The following DAPK1 variants were observed in gnomAD, a reference collection of about 807,000 sequenced individuals.
DAPK1 encodes the protein death-associated protein kinase 1.
A neutral mutation model predicts 144.9 loss-of-function variants in DAPK1; 56 were observed. That is an observed-to-expected ratio of 0.39 (90% CI 0.31 to 0.48). The LOEUF (loss-of-function observed/expected upper bound fraction) is 0.48, where lower values mean the gene tolerates loss of function less well. Among genes scored for constraint, DAPK1 ranks in the 20% least tolerant of loss-of-function variants. DAPK1 has a pLI of 0.95. For missense variants in DAPK1, 1,454 were observed against 1,875.4 expected (o/e 0.78, Z 4.15); for synonymous variants, 690 against 749.0 (o/e 0.92, Z 1.29).
intron 21 of DAPK1, among the ~76,000 whole-genome samples, chr9:87,692,142 G>A (rs1927971): frequency 0.27 from 41,723 of 151,848 alleles, 7,530 homozygotes; most frequent in East Asian, 0.58. Flanking sequence ...AATAATATTT[G>A]CTGTAAATAT....
At position 87,564,762 on chromosome 9, in the gene DAPK1, C is replaced by T. The variant is rs551710424; in HGVS notation, c.63-40192C>T. ...CATTAATTCATTCATGAGGCAGAGC[C>T]GTCATGATCTAATCACCTCTTAACG... is the stretch of plus-strand genomic sequence containing the variant. On this transcript the variant is annotated intron_variant, in intron 2 of 25. Transcript: ENST00000408954. 2.1e-4 allele frequency among the ~76,000 whole-genome samples: 32 copies of T among 152,258 alleles called. 1 individual carries two copies. In the South Asian group the frequency reaches 6.6e-3, roughly 32 times the overall value.
chr9:87,662,559 A>ATTTTTTTTTTTTTTTTTTTTT (rs1830886898), intron 18 of DAPK1, among the ~76,000 whole-genome samples: 2 of 25,570 alleles, frequency 7.8e-5, no homozygotes, highest in South Asian at 2.6e-3. Context: ...ATATATTCCT[A>ATTTTTTTTTTTTTTTTTTTTT]GTTTTTTTTT....
intron 19 of DAPK1, among the ~76,000 whole-genome samples, chr9:87,671,717 A>G (rs1824165034): frequency 6.6e-6 from 1 of 152,180 alleles, no homozygotes; most frequent in Non-Finnish European, 1.5e-5. Flanking sequence ...GTCTCAATAC[A>G]TTGCCCAGGC....
At position 87,547,578 on chromosome 9, in the gene DAPK1, A is replaced by AGT. The variant is rs61564712; in HGVS notation, c.62+48465_62+48466dup. Among the ~76,000 whole-genome samples, 314 of 58,802 alleles carry AGT rather than the reference A, an allele frequency of 5.3e-3. No individual in the cohort carries two copies. The Middle Eastern group carries it at 0.054, about 10-fold the overall frequency. 38.6% of individuals were successfully genotyped at this position (58,802 alleles called of 152,430 possible). ...CATAAGTGTGTGTGGAGAGAGAGAG[A>AGT]GTGTGTGTGTGTGTGTGTGTGTGTG... On this transcript the variant is annotated intron_variant, in intron 2 of 25. Transcript: ENST00000408954.
At chr9:87,635,715 AC>A (rs1406385248) in intron 3 of DAPK1, among the ~76,000 whole-genome samples, 1 of 152,124 alleles carries the variant, frequency 6.6e-6, no homozygotes, top group African/African-American at 2.4e-5. Context: ...CATCCTCATA[AC>A]CTTCAAGGGA....
At chr9:87,583,524 A>G (rs1031027491) in intron 2 of DAPK1, among the ~76,000 whole-genome samples, 1 of 152,242 alleles carries the variant, frequency 6.6e-6, no homozygotes, top group Non-Finnish European at 1.5e-5. Flanking sequence ...GTGGAGAAGA[A>G]ATGAATTGAC....
chr9:87,588,967 C>T (rs1359976445), intron 2 of DAPK1, among the ~76,000 whole-genome samples: 16 of 151,540 alleles, frequency 1.1e-4, no homozygotes, highest in Admixed American at 6.6e-4. Flanking sequence ...CAGCTCACTG[C>T]GACCTCCACT....
chr9:87,684,821 G>A (rs1258827042), intron 20 of DAPK1, among the ~76,000 whole-genome samples: 1 of 152,212 alleles, frequency 6.6e-6, no homozygotes, highest in African/African-American at 2.4e-5. Context: ...GGATTTCGGT[G>A]CTTCCCCATG....
At chr9:87,704,192 G>T (rs1224598714) in intron 25 of DAPK1, among the ~76,000 whole-genome samples, 1 of 152,186 alleles carries the variant, frequency 6.6e-6, no homozygotes, top group East Asian at 1.9e-4. Context: ...ACTTTAAAGT[G>T]ATTGAATCCA....
At chr9:87,663,991 G>A (rs982757779) in intron 18 of DAPK1, among the ~76,000 whole-genome samples, 16 of 152,028 alleles carry the variant, frequency 1.1e-4, no homozygotes, top group African/African-American at 2.7e-4. Flanking sequence ...GGTTAAGGGC[G>A]TCACCCTTAA....
intron 2 of DAPK1, among the ~76,000 whole-genome samples, chr9:87,502,144 G>A (rs987776799): frequency 6.6e-6 from 1 of 152,080 alleles, no homozygotes; most frequent in African/African-American, 2.4e-5. Flanking sequence ...GCTTTGGGAG[G>A]GGATGCCTTA....
chr9:87,619,064 C>G (rs953548316), intron 3 of DAPK1, among the ~76,000 whole-genome samples: 2 of 152,142 alleles, frequency 1.3e-5, no homozygotes, highest in Non-Finnish European at 2.9e-5. Flanking sequence ...TGCCTCTGCC[C>G]TGATGCTCCA....
At position 87,516,893 on chromosome 9, in the gene DAPK1, G is replaced by A. The variant is rs552694392; in HGVS notation, c.62+17754G>A. ...GGGAACTGGGCCCTTCTGATGGTCC[G>A]GATGTAGGTTATGGGATGGTCAGGT... is the stretch of plus-strand genomic sequence containing the variant. On this transcript the variant is annotated intron_variant, in intron 2 of 25. Coordinates refer to ENST00000408954, the MANE Select transcript of DAPK1 (RefSeq NM_004938.4). Among the ~76,000 whole-genome samples the A allele has an allele frequency of 3.3e-5, 5 of 152,272 alleles. No individual in the cohort carries two copies. The South Asian group carries it at 6.2e-4, about 19-fold the overall frequency.
chr9:87,532,205 A>G (rs1825724740), intron 2 of DAPK1, among the ~76,000 whole-genome samples: 1 of 152,240 alleles, frequency 6.6e-6, no homozygotes, highest in African/African-American at 2.4e-5. Context: ...CTGTGTTTTT[A>G]TAGAGTCCTT....
At chr9:87,667,124 T>C (rs894736621) in intron 18 of DAPK1, among the ~76,000 whole-genome samples, 2 of 152,202 alleles carry the variant, frequency 1.3e-5, no homozygotes, top group East Asian at 3.9e-4. Context: ...TTTATGGACT[T>C]TTCTTGTGTC....
chr9:87,653,379 GC>G (rs1432347029), intron 17 of DAPK1, among the ~76,000 whole-genome samples: 2 of 152,198 alleles, frequency 1.3e-5, no homozygotes, highest in Admixed American at 1.3e-4. Flanking sequence ...CTTTTTTATA[GC>G]GTTTTGCCAT....
chr9:87,654,417 A>G (rs887764285), intron 17 of DAPK1, among the ~76,000 whole-genome samples: 1 of 152,224 alleles, frequency 6.6e-6, no homozygotes, highest in Non-Finnish European at 1.5e-5. Context: ...GATATCTGAA[A>G]CAGCTGGAAA....
chr9:87,628,150 C>T (rs887002978), intron 3 of DAPK1, among the ~76,000 whole-genome samples: 1 of 152,132 alleles, frequency 6.6e-6, no homozygotes, highest in African/African-American at 2.4e-5. Flanking sequence ...GGAAAGATCC[C>T]CTCCCCCATG....
chr9:87,684,311 G>A (rs1185995703), intron 20 of DAPK1, among the ~76,000 whole-genome samples: 1 of 152,234 alleles, frequency 6.6e-6, no homozygotes, highest in Admixed American at 6.5e-5. Context: ...TCACCTGCCA[G>A]GGGGCACTGC....
Sources: gnomAD v4.1 joint callset for allele counts (sites outside exome capture counted in the v4.1 genomes callset) on GRCh38, gnomAD v4.1.1 for gene constraint, MANE v1.5 for transcripts, NCBI Gene and HGNC (gene_info 2026-07-23, HGNC 2026-07-21) for gene names.